The following TM2D1 variants were observed in gnomAD, a reference collection of about 807,000 sequenced individuals.
The protein encoded by TM2D1 is TM2 domain containing 1, also known as TM2 domain-containing protein 1.
In TM2D1, 15 loss-of-function variants were observed where a neutral mutation model predicts 28.4. The ratio of observed to expected loss-of-function variants is 0.53; its 90% CI spans 0.35 to 0.81. The LOEUF is 0.81. TM2D1 is among the 40% of genes least tolerant of loss of function. The pLI, the probability that TM2D1 is intolerant of heterozygous loss-of-function variation, is 0.01. For missense variants in TM2D1, 236 were observed against 254.9 expected, an observed-to-expected ratio of 0.93 and a Z score of 0.50; for synonymous variants, 93 against 96.2, an observed-to-expected ratio of 0.97 and a Z score of 0.20.
intron 2 of TM2D1, among the ~76,000 whole-genome samples, chr1:61,714,965 G>C (rs1016881264): frequency 1.3e-5 from 2 of 152,118 alleles, no homozygotes; most frequent in African/African-American, 4.8e-5. Flanking sequence ...AAAGATGAAA[G>C]AGAGAAAAAA....
intron 2 of TM2D1, among the ~76,000 whole-genome samples, chr1:61,713,169 CAA>C (rs1302684596): frequency 1.5e-4 from 15 of 100,808 alleles, no homozygotes; most frequent in Non-Finnish European, 1.6e-4. Context: ...GACTCCACCT[CAA>C]AAAAAAAAAA....
intron 2 of TM2D1, among the ~76,000 whole-genome samples, chr1:61,714,783 T>C (rs915087256): frequency 3.3e-5 from 5 of 152,138 alleles, no homozygotes; most frequent in Admixed American, 6.6e-5. Flanking sequence ...CTCAAACTCC[T>C]GGGCTCAAGC....
chr1:61,684,879 G>T (rs1383730476), intron 5 of TM2D1, among the ~76,000 whole-genome samples: 1 of 152,180 alleles, frequency 6.6e-6, no homozygotes, highest in South Asian at 2.1e-4. Flanking sequence ...CGGGGCTCTA[G>T]CGATCCTCCC....
At chr1:61,689,735 G>A (rs184025833) in intron 5 of TM2D1, among the ~76,000 whole-genome samples, 112 of 152,242 alleles carry the variant, frequency 7.4e-4, no homozygotes, top group Middle Eastern at 6.8e-3. Flanking sequence ...GGTTCCTCTA[G>A]GGCAAGGACC....
At chr1:61,703,711 C>A (rs1278720583) in intron 3 of TM2D1, among the ~76,000 whole-genome samples, 2 of 115,738 alleles carry the variant, frequency 1.7e-5, no homozygotes, top group Non-Finnish European at 1.7e-5. Flanking sequence ...CTGCACCTAG[C>A]CAATCTTTAT....
intron 2 of TM2D1, among the ~76,000 whole-genome samples, chr1:61,716,519 A>T (rs945764728): frequency 6.9e-6 from 1 of 145,796 alleles, no homozygotes; most frequent in Non-Finnish European, 1.5e-5. Flanking sequence ...TTATATATGT[A>T]TATAATTATA....
At chr1:61,683,598 G>T in intron 5 of TM2D1, 52 bp from the exon 6 acceptor site, 2 of 898,934 alleles carry the variant, frequency 2.2e-6, no homozygotes, top group Non-Finnish European at 3.3e-6. Context: ...ATATTTCACA[G>T]CACTTTGTTT....
intron 5 of TM2D1, among the ~76,000 whole-genome samples, chr1:61,689,733 T>C (rs1644310499): frequency 6.6e-6 from 1 of 152,180 alleles, no homozygotes; most frequent in African/African-American, 2.4e-5. Context: ...TAGGTTCCTC[T>C]AGGGCAAGGA....
intron 2 of TM2D1, among the ~76,000 whole-genome samples, chr1:61,718,750 A>C (rs1037242309): frequency 6.6e-6 from 1 of 152,196 alleles, no homozygotes. Flanking sequence ...TCCTAAGTCT[A>C]ATCATAAGGA....
chr1:61,700,821 C>T (rs1035436391), intron 4 of TM2D1, 113 bp downstream of exon 4: 1 of 745,354 alleles, frequency 1.3e-6, no homozygotes, highest in Admixed American at 3.2e-5. Flanking sequence ...AACTACTCAA[C>T]TCCAATTATA....
At chr1:61,684,436 T>C (rs1644269115) in intron 5 of TM2D1, among the ~76,000 whole-genome samples, 1 of 152,164 alleles carries the variant, frequency 6.6e-6, no homozygotes, top group South Asian at 2.1e-4. Context: ...AAAGCATACC[T>C]ACCATCCAGG....
chr1:61,688,292 T>G (rs561435038), intron 5 of TM2D1, among the ~76,000 whole-genome samples: 1 of 152,354 alleles, frequency 6.6e-6, no homozygotes, highest in South Asian at 2.1e-4. Context: ...AAGTGAAATC[T>G]ACCTAATTAA....
rs1158041108 is a variant in TM2D1, at chr1:61,700,352, T to A, written c.439+582A>T. The A allele has an allele frequency of 4.5e-6, 6 of 1,332,002 alleles. No individual in the cohort carries two copies. The East Asian group carries it at 1.5e-4, about 33-fold the overall frequency. 82.5% of individuals were successfully genotyped at this position (1,332,002 alleles called of 1,614,324 possible). ...AATAAGGGCAGGCATGTGAAAGTACTGTTTAAACAAAAGCTATCATAAAAT... is the reference window on the plus strand; with the variant it reads ...AATAAGGGCAGGCATGTGAAAGTACAGTTTAAACAAAAGCTATCATAAAAT... On this transcript the variant is annotated intron_variant, in intron 4 of 6. Coordinates refer to ENST00000606498, the MANE Select transcript of TM2D1 (RefSeq NM_032027.3).
chr1:61,694,624 T>G, intron 5 of TM2D1, 73 bp downstream of exon 5: 1 of 1,034,832 alleles, frequency 9.7e-7, no homozygotes. Context: ...CTAAACATTT[T>G]AAATAGAACA....
At chr1:61,714,345 A>T (rs893722565) in intron 2 of TM2D1, among the ~76,000 whole-genome samples, 1 of 151,830 alleles carries the variant, frequency 6.6e-6, no homozygotes, top group African/African-American at 2.4e-5. Context: ...GTTCAAGACC[A>T]GCCTGGCCAA....
chr1:61,692,229 A>G (rs1029956183), intron 5 of TM2D1, among the ~76,000 whole-genome samples: 3 of 151,864 alleles, frequency 2.0e-5, no homozygotes, highest in African/African-American at 7.2e-5. Context: ...CAAACTCATA[A>G]AAGTATTTTC....
intron 3 of TM2D1, among the ~76,000 whole-genome samples, chr1:61,707,282 G>A (rs1379907391): frequency 1.3e-5 from 2 of 152,116 alleles, no homozygotes; most frequent in Non-Finnish European, 2.9e-5. Context: ...AAATGCTTAT[G>A]AGTATGATTA....
At chr1:61,709,227 A>C (rs1644460524) in intron 3 of TM2D1, 102 bp downstream of exon 3, 4 of 738,874 alleles carry the variant, frequency 5.4e-6, no homozygotes, top group South Asian at 5.2e-5. Context: ...GATAAAAGAT[A>C]CATTTTCAGG....
chr1:61,694,573 A>C, intron 5 of TM2D1, 124 bp downstream of exon 5: 1 of 589,456 alleles, frequency 1.7e-6, no homozygotes, highest in South Asian at 3.4e-5. Flanking sequence ...TAGTACATGA[A>C]GAAAAATGGA....
Sources: gnomAD v4.1 joint callset for allele counts (sites outside exome capture counted in the v4.1 genomes callset) on GRCh38, gnomAD v4.1.1 for gene constraint, MANE v1.5 for transcripts, NCBI Gene and HGNC (gene_info 2026-07-23, HGNC 2026-07-21) for gene names.